The following CSMD1 variants were observed in gnomAD, a reference collection of about 807,000 sequenced individuals.
The protein encoded by CSMD1 is CUB and Sushi multiple domains 1.
Under a neutral mutation model 417.5 loss-of-function variants are expected in CSMD1, and 213 were observed. The ratio of observed to expected loss-of-function variants is 0.51; its 90% CI spans 0.46 to 0.57. The LOEUF is 0.57. Among genes scored for constraint, CSMD1 ranks in the 20% least tolerant of loss-of-function variants. CSMD1 has a pLI of 0.00. For synonymous variants in CSMD1, 2,862 were observed against 1,736.8 expected, an observed-to-expected ratio of 1.65 and a Z score of -16.11; for missense variants, 6,923 against 4,529.7, an observed-to-expected ratio of 1.53 and a Z score of -15.17.
At chr8:4,854,293 G>A (rs773070211) in intron 1 of CSMD1, among the ~76,000 whole-genome samples, 3 of 152,284 alleles carry the variant, frequency 2.0e-5, no homozygotes, top group East Asian at 1.9e-4. Context: ...GGGCTTGGTA[G>A]GAGGTGTTGG....
At chr8:3,629,176 G>C (rs76189263) in intron 7 of CSMD1, among the ~76,000 whole-genome samples, 5 of 152,070 alleles carry the variant, frequency 3.3e-5, no homozygotes, top group Admixed American at 2.6e-4. Context: ...GGACGCAGGG[G>C]AACTTGCTTG....
chr8:3,275,156 TGTAAA>T (rs1374314586), intron 26 of CSMD1, among the ~76,000 whole-genome samples: 1 of 152,176 alleles, frequency 6.6e-6, no homozygotes, highest in Non-Finnish European at 1.5e-5. Flanking sequence ...TTTGCTTGTC[TGTAAA>T]GTATTTTATT....
At chr8:4,525,680 C>G (rs1353386217) in intron 2 of CSMD1, among the ~76,000 whole-genome samples, 8 of 152,098 alleles carry the variant, frequency 5.3e-5, no homozygotes, top group Admixed American at 5.2e-4. Context: ...TTGCACCAAC[C>G]TAAAAAATAA....
At chr8:4,113,475 G>A (rs1801968586) in intron 3 of CSMD1, among the ~76,000 whole-genome samples, 1 of 138,986 alleles carries the variant, frequency 7.2e-6, no homozygotes, top group Non-Finnish European at 1.5e-5. Flanking sequence ...TGCAATCTTG[G>A]CTCACTGCAA....
At chr8:4,926,268 A>G (rs1183552601) in intron 1 of CSMD1, among the ~76,000 whole-genome samples, 1 of 152,226 alleles carries the variant, frequency 6.6e-6, no homozygotes, top group East Asian at 1.9e-4. Flanking sequence ...GATGTATCAC[A>G]GAGTTAAACA....
intron 54 of CSMD1, among the ~76,000 whole-genome samples, chr8:2,993,308 C>G (rs1251681630): frequency 6.6e-6 from 1 of 152,182 alleles, no homozygotes; most frequent in South Asian, 2.1e-4. Context: ...TCTGGGTTTT[C>G]TAAATCATCC....
intron 3 of CSMD1, among the ~76,000 whole-genome samples, chr8:4,357,287 G>A (rs1801485933): frequency 6.6e-6 from 1 of 152,160 alleles, no homozygotes; most frequent in Non-Finnish European, 1.5e-5. Flanking sequence ...GATCTCATCT[G>A]GCCATTGTGC....
At chr8:4,539,611 G>A (rs545033694) in intron 2 of CSMD1, among the ~76,000 whole-genome samples, 2 of 152,146 alleles carry the variant, frequency 1.3e-5, no homozygotes, top group African/African-American at 4.8e-5. Flanking sequence ...TAGGAAAAAA[G>A]AGTTTGATGT....
intron 2 of CSMD1, among the ~76,000 whole-genome samples, chr8:4,449,006 A>G (rs1798976419): frequency 6.6e-6 from 1 of 152,202 alleles, no homozygotes; most frequent in African/African-American, 2.4e-5. Flanking sequence ...ATTATTTATT[A>G]CTTGTGTGCG....
chr8:4,209,433 C>T (rs1452477161), intron 3 of CSMD1, among the ~76,000 whole-genome samples: 2 of 152,146 alleles, frequency 1.3e-5, no homozygotes, highest in African/African-American at 4.8e-5. Context: ...GTGTGAACTC[C>T]TCATCAAGCC....
intron 5 of CSMD1, among the ~76,000 whole-genome samples, chr8:3,907,881 C>A (rs185193784): frequency 6.6e-6 from 1 of 152,188 alleles, no homozygotes; most frequent in Non-Finnish European, 1.5e-5. Flanking sequence ...TTTCTCTCTT[C>A]TTGAGAATAT....
chr8:3,288,331 A>C (rs1803303861), intron 25 of CSMD1, among the ~76,000 whole-genome samples: 1 of 146,652 alleles, frequency 6.8e-6, no homozygotes, highest in East Asian at 2.0e-4. Flanking sequence ...ACGAGGGAGG[A>C]TTCCTTCTTT....
At chr8:3,983,973 C>A (rs1814110016) in intron 5 of CSMD1, among the ~76,000 whole-genome samples, 1 of 152,172 alleles carries the variant, frequency 6.6e-6, no homozygotes, top group Non-Finnish European at 1.5e-5. Context: ...ATGGGGCTGT[C>A]AATTGCAGCT....
At chr8:3,817,524 C>A (rs192253170) in intron 5 of CSMD1, among the ~76,000 whole-genome samples, 87 of 151,984 alleles carry the variant, frequency 5.7e-4, no homozygotes, top group Non-Finnish European at 9.6e-4. Flanking sequence ...TGTGATCCAC[C>A]CACCTCAGCC....
At chr8:3,501,232 G>A (rs374855536) in intron 10 of CSMD1, among the ~76,000 whole-genome samples, 3 of 151,994 alleles carry the variant, frequency 2.0e-5, no homozygotes, top group East Asian at 1.9e-4. Flanking sequence ...CTGTGCATGT[G>A]CATACACACA....
At chr8:3,189,848 G>C in intron 34 of CSMD1, 64 bp downstream of exon 34, 1 of 1,398,632 alleles carries the variant, frequency 7.1e-7, no homozygotes, top group Non-Finnish European at 9.8e-7. Context: ...ATAGAAACAT[G>C]AGAAGTAACT....
chr8:3,891,038 GTTTTT>G (rs765170670), intron 5 of CSMD1, among the ~76,000 whole-genome samples: 2 of 147,228 alleles, frequency 1.4e-5, no homozygotes, highest in African/African-American at 5.0e-5. Flanking sequence ...CAGCTTTTTT[GTTTTT>G]TTTTTGTTTT....
intron 6 of CSMD1, among the ~76,000 whole-genome samples, chr8:3,741,541 T>C (rs576351788): frequency 2.6e-5 from 4 of 152,370 alleles, no homozygotes; most frequent in Non-Finnish European, 5.9e-5. Context: ...GCACATTTAT[T>C]TCTATCCATT....
chr8:3,509,626 GA>G (rs1487470932), intron 10 of CSMD1, among the ~76,000 whole-genome samples: 1 of 152,142 alleles, frequency 6.6e-6, no homozygotes, highest in Non-Finnish European at 1.5e-5. Flanking sequence ...TCTAATCTGG[GA>G]AAGGGAAGAA....
Sources: gnomAD v4.1 joint callset for allele counts (sites outside exome capture counted in the v4.1 genomes callset) on GRCh38, gnomAD v4.1.1 for gene constraint, MANE v1.5 for transcripts, NCBI Gene and HGNC (gene_info 2026-07-23, HGNC 2026-07-21) for gene names.